The following CTTNBP2 variants were observed in gnomAD, a reference collection of about 807,000 sequenced individuals.
CTTNBP2 encodes the protein cortactin-binding protein 2.
Under a neutral mutation model 156.9 loss-of-function variants are expected in CTTNBP2, and 108 were observed. That is an observed-to-expected ratio of 0.69 (90% confidence interval 0.59 to 0.81). The LOEUF is 0.81. Ranked by LOEUF, CTTNBP2 falls within the 30% of genes least tolerant of loss-of-function variation. The pLI is 0.00. For synonymous variants in CTTNBP2, 767 were observed against 751.8 expected (o/e 1.02, Z -0.33); for missense variants, 1,924 against 2,035.4 (o/e 0.95, Z 1.05).
At chr7:117,870,096 G>A (rs935938451) in intron 1 of CTTNBP2, among the ~76,000 whole-genome samples, 5 of 152,168 alleles carry the variant, frequency 3.3e-5, no homozygotes, top group Non-Finnish European at 5.9e-5. Context: ...CCCTCTCTAT[G>A]ACTGTTCCTC....
At chr7:117,741,390 A>G (rs1286923872) in intron 14 of CTTNBP2, among the ~76,000 whole-genome samples, 1 of 152,218 alleles carries the variant, frequency 6.6e-6, no homozygotes, top group East Asian at 1.9e-4. Context: ...TTAAAAAGTG[A>G]AGAAAGATAT....
chr7:117,799,544 T>C (rs543817625), intron 3 of CTTNBP2, among the ~76,000 whole-genome samples: 7 of 151,982 alleles, frequency 4.6e-5, no homozygotes, highest in South Asian at 4.1e-4. Context: ...CAGCTAACAT[T>C]GTACTTAATG....
chr7:117,865,479 G>A (rs924610583), intron 1 of CTTNBP2, among the ~76,000 whole-genome samples: 1 of 151,154 alleles, frequency 6.6e-6, no homozygotes, highest in Non-Finnish European at 1.5e-5. Flanking sequence ...TGGGCAACAT[G>A]GTGAAACCCC....
chr7:117,786,991 A>G (rs1798736462), intron 4 of CTTNBP2, among the ~76,000 whole-genome samples: 1 of 152,192 alleles, frequency 6.6e-6, no homozygotes, highest in Admixed American at 6.5e-5. Flanking sequence ...AAATCTTTAC[A>G]AAAGAAAAAT....
chr7:117,750,309 A>C (rs1277968122), intron 12 of CTTNBP2, among the ~76,000 whole-genome samples: 4 of 152,182 alleles, frequency 2.6e-5, no homozygotes, highest in Middle Eastern at 3.2e-3. Flanking sequence ...TTGTTCTCAG[A>C]CTGTAGGTTT....
At chr7:117,729,544 G>T (rs1274775391) in intron 16 of CTTNBP2, among the ~76,000 whole-genome samples, 1 of 152,142 alleles carries the variant, frequency 6.6e-6, no homozygotes, top group East Asian at 1.9e-4. Context: ...ATGTAAGTTA[G>T]TGTACTCATG....
intron 2 of CTTNBP2, among the ~76,000 whole-genome samples, chr7:117,827,649 C>T (rs1203018829): frequency 6.6e-6 from 1 of 152,080 alleles, no homozygotes; most frequent in Non-Finnish European, 1.5e-5. Context: ...TCCAGAAATG[C>T]TTACTTATAT....
At position 117,724,558 on chromosome 7, in the gene CTTNBP2, A is replaced by G. The variant is rs1794981354; in HGVS notation, c.4436T>C (p.Leu1479Pro). 1 of 1,612,858 alleles carries G rather than the reference A, an allele frequency of 6.2e-7. No individual in the cohort carries two copies. The highest frequency in any genetic ancestry group is 8.5e-7 in the Non-Finnish European group (1 of 1,179,658). The change falls in exon 19 of 23, where the codon CTA (leucine) becomes CCA (proline). Residue 1479 changes from leucine (L) to proline (P), a missense_variant. Coordinates refer to ENST00000160373, the MANE Select transcript of CTTNBP2 (RefSeq NM_033427.3). ...CCCCCGCCCTTTACCTTCAGTGCTT[A>G]GGTCTGGCTTATTCCAGGTGGGTAA... ...FSLPTWNKPD[L>P]STEGMKNKTI...
chr7:117,801,345 T>C (rs1296027803), intron 3 of CTTNBP2, among the ~76,000 whole-genome samples: 1 of 152,156 alleles, frequency 6.6e-6, no homozygotes, highest in African/African-American at 2.4e-5. Flanking sequence ...CAGGAAACAT[T>C]AGACAAACTT....
intron 3 of CTTNBP2, among the ~76,000 whole-genome samples, chr7:117,808,782 G>T (rs943073510): frequency 8.6e-5 from 13 of 152,014 alleles, no homozygotes; most frequent in African/African-American, 3.1e-4. Flanking sequence ...GAAGACATTT[G>T]GTTAAAATAT....
intron 3 of CTTNBP2, among the ~76,000 whole-genome samples, chr7:117,800,046 CTACTT>C (rs945977027): frequency 1.5e-4 from 23 of 151,866 alleles, no homozygotes; most frequent in South Asian, 4.1e-4. Context: ...TTGGAAGACT[CTACTT>C]TACTAAGATG....
intron 22 of CTTNBP2, among the ~76,000 whole-genome samples, chr7:117,717,635 A>T (rs1794499829): frequency 6.6e-6 from 1 of 152,022 alleles, no homozygotes; most frequent in African/African-American, 2.4e-5. Flanking sequence ...CCTCTAGGTT[A>T]TCGGATTGAA....
At chr7:117,824,883 T>C (rs904108768) in intron 2 of CTTNBP2, among the ~76,000 whole-genome samples, 2 of 152,262 alleles carry the variant, frequency 1.3e-5, no homozygotes, top group Non-Finnish European at 2.9e-5. Context: ...AGTTGTTCCT[T>C]TGCATTTTAA....
At chr7:117,781,064 C>T (rs755894135) in intron 6 of CTTNBP2, among the ~76,000 whole-genome samples, 23 of 152,190 alleles carry the variant, frequency 1.5e-4, no homozygotes, top group South Asian at 2.1e-4. Context: ...TAAAAGGCAG[C>T]AGAAAGGCTG....
intron 21 of CTTNBP2, among the ~76,000 whole-genome samples, chr7:117,718,983 G>A (rs1794622987): frequency 6.6e-6 from 1 of 152,062 alleles, no homozygotes; most frequent in African/African-American, 2.4e-5. Flanking sequence ...GGTCACCTGA[G>A]GTCAGGAGTT....
At chr7:117,835,448 A>G (rs1255061954) in intron 2 of CTTNBP2, among the ~76,000 whole-genome samples, 1 of 152,216 alleles carries the variant, frequency 6.6e-6, no homozygotes, top group African/African-American at 2.4e-5. Context: ...ACTTCAGTCA[A>G]CCACAGGGGG....
chr7:117,853,565 G>C (rs1263543896), intron 2 of CTTNBP2, among the ~76,000 whole-genome samples: 1 of 152,044 alleles, frequency 6.6e-6, no homozygotes, highest in African/African-American at 2.4e-5. Flanking sequence ...ATGCCTCAAA[G>C]GAATACCTTG....
chr7:117,839,181 G>C (rs777909238), intron 2 of CTTNBP2, among the ~76,000 whole-genome samples: 63 of 152,230 alleles, frequency 4.1e-4, no homozygotes, highest in South Asian at 2.3e-3. Flanking sequence ...TTTTCATAGT[G>C]TGTTCTCCTC....
At chr7:117,718,212 T>C in intron 21 of CTTNBP2, 93 bp from the exon 22 acceptor site, 2 of 752,518 alleles carry the variant, frequency 2.7e-6, no homozygotes, top group South Asian at 1.6e-5. Context: ...ACAGCAGAAG[T>C]GTTACTCTTA....
Sources: gnomAD v4.1 joint callset for allele counts (sites outside exome capture counted in the v4.1 genomes callset) on GRCh38, gnomAD v4.1.1 for gene constraint, MANE v1.5 for transcripts, NCBI Gene and HGNC (gene_info 2026-07-23, HGNC 2026-07-21) for gene names.